The following FOXJ3 variants were observed in gnomAD, a reference collection of about 807,000 sequenced individuals.
FOXJ3 encodes forkhead box protein J3.
In FOXJ3, 22 loss-of-function variants were observed where a neutral mutation model predicts 76.1. That is an observed-to-expected ratio of 0.29 (90% CI 0.21 to 0.41). The LOEUF (loss-of-function observed/expected upper bound fraction) is 0.41. FOXJ3 is among the 10% of genes least tolerant of loss of function. FOXJ3 has a pLI of 1.00. For synonymous variants in FOXJ3, 269 were observed against 261.2 expected, an observed-to-expected ratio of 1.03 and a Z score of -0.29; for missense variants, 613 against 762.1, an observed-to-expected ratio of 0.80 and a Z score of 2.30.
chr1:42,252,470 T>G (rs1258470587), intron 4 of FOXJ3, among the ~76,000 whole-genome samples: 1 of 152,142 alleles, frequency 6.6e-6, no homozygotes, highest in African/African-American at 2.4e-5. Flanking sequence ...AGTGGTGATA[T>G]CCCTTTATCA....
intron 6 of FOXJ3, among the ~76,000 whole-genome samples, chr1:42,202,739 T>G (rs1273695202): frequency 6.6e-6 from 1 of 152,208 alleles, no homozygotes; most frequent in East Asian, 1.9e-4. Flanking sequence ...TTTTGCCATG[T>G]TGGCCAGGCT....
At chr1:42,246,012 G>C (rs576475999) in intron 4 of FOXJ3, among the ~76,000 whole-genome samples, 4 of 151,974 alleles carry the variant, frequency 2.6e-5, no homozygotes, top group African/African-American at 9.7e-5. Context: ...AATTCAACTC[G>C]AAATGGATTA....
intron 11 of FOXJ3, 89 bp from the exon 12 acceptor site, chr1:42,182,113 G>T: frequency 1.4e-6 from 1 of 695,402 alleles, no homozygotes; most frequent in Non-Finnish European, 2.5e-6. Flanking sequence ...TTGTTACTCT[G>T]AAAGTAAATT....
At chr1:42,273,435 A>T (rs1313919027) in intron 3 of FOXJ3, among the ~76,000 whole-genome samples, 1 of 152,182 alleles carries the variant, frequency 6.6e-6, no homozygotes, top group African/African-American at 2.4e-5. Flanking sequence ...GCACTTTGGG[A>T]GGCCAAGGTA....
chr1:42,322,003 T>C (rs1189007864), intron 1 of FOXJ3, among the ~76,000 whole-genome samples: 6 of 152,142 alleles, frequency 3.9e-5, no homozygotes, highest in South Asian at 2.1e-4. Flanking sequence ...TTATCTCCCA[T>C]AATGCCTAGC....
At chr1:42,239,442 A>T (rs1648954660) in intron 4 of FOXJ3, among the ~76,000 whole-genome samples, 1 of 152,170 alleles carries the variant, frequency 6.6e-6, no homozygotes, top group Non-Finnish European at 1.5e-5. Context: ...ACCTTGGTCA[A>T]ATATTTTTTC....
chr1:42,231,043 C>T (rs1274425383), intron 4 of FOXJ3, among the ~76,000 whole-genome samples: 1 of 151,980 alleles, frequency 6.6e-6, no homozygotes, highest in African/African-American at 2.4e-5. Flanking sequence ...GGCCAGGCGC[C>T]GTGGCTCACG....
chr1:42,295,234 T>C (rs1653707085), intron 2 of FOXJ3, among the ~76,000 whole-genome samples: 1 of 152,206 alleles, frequency 6.6e-6, no homozygotes, highest in East Asian at 1.9e-4. Flanking sequence ...CGGTGGACTC[T>C]TCAGTGTCTA....
chr1:42,307,008 T>G (rs1399426549), intron 2 of FOXJ3, among the ~76,000 whole-genome samples: 1 of 152,160 alleles, frequency 6.6e-6, no homozygotes, highest in African/African-American at 2.4e-5. Flanking sequence ...TGAACCACAT[T>G]CCTGCTTTGC....
At chr1:42,234,312 T>TC (rs1648403144) in intron 4 of FOXJ3, among the ~76,000 whole-genome samples, 1 of 152,174 alleles carries the variant, frequency 6.6e-6, no homozygotes, top group South Asian at 2.1e-4. Flanking sequence ...AATTTTTTTT[T>TC]CAAGGTTTTT....
chr1:42,232,732 C>T (rs552491655), intron 4 of FOXJ3, among the ~76,000 whole-genome samples: 1 of 152,296 alleles, frequency 6.6e-6, no homozygotes, highest in Admixed American at 6.5e-5. Flanking sequence ...AATTTTCTCC[C>T]ATTCTGTAGG....
intron 3 of FOXJ3, among the ~76,000 whole-genome samples, chr1:42,265,415 G>GTAA (rs1209889649): frequency 2.0e-5 from 3 of 152,106 alleles, no homozygotes; most frequent in African/African-American, 7.2e-5. Context: ...TTCATAAAAT[G>GTAA]TAATATATGT....
chr1:42,232,938 T>C (rs1648282172), intron 4 of FOXJ3, among the ~76,000 whole-genome samples: 1 of 151,628 alleles, frequency 6.6e-6, no homozygotes, highest in Non-Finnish European at 1.5e-5. Context: ...GTCTAACATA[T>C]AAGTCTTTAA....
At chr1:42,235,985 G>A (rs539472351) in intron 4 of FOXJ3, among the ~76,000 whole-genome samples, 84 of 152,154 alleles carry the variant, frequency 5.5e-4, no homozygotes, top group African/African-American at 1.6e-3. Context: ...TACCACACCC[G>A]GCCATCTAAG....
intron 4 of FOXJ3, among the ~76,000 whole-genome samples, chr1:42,264,065 TA>T (rs1381464498): frequency 7.2e-6 from 1 of 139,200 alleles, no homozygotes; most frequent in Non-Finnish European, 1.5e-5. Flanking sequence ...CGCTACAAAA[TA>T]AAAAGAACTC....
At chr1:42,262,676 C>T (rs1415163332) in intron 4 of FOXJ3, among the ~76,000 whole-genome samples, 3 of 151,998 alleles carry the variant, frequency 2.0e-5, no homozygotes, top group Admixed American at 2.0e-4. Context: ...TGGTGAAACC[C>T]CATCTCTACT....
Position 42,277,576 on chromosome 1 carries a change from T to A in FOXJ3, c.369+772A>T, listed in dbSNP as rs1253478572. 2.3e-4 allele frequency among the ~76,000 whole-genome samples: 6 copies of A among 26,662 alleles called. 3 individuals are homozygous for A. The East Asian group carries it at 5.1e-3, about 22-fold the overall frequency. The allele number at this position is 26,662 out of a possible 152,430, so 17.5% of individuals were successfully genotyped here. On this transcript the variant is annotated intron_variant, in intron 3 of 12. Coordinates refer to ENST00000361346, the MANE Select transcript of FOXJ3 (RefSeq NM_014947.5). Reference sequence around the variant, plus strand: ...ACTTTGGGAGGCCGAGGCGGGCGGATCACGAGGTCAGGAGATCGAGACCAT... The same window carrying A: ...ACTTTGGGAGGCCGAGGCGGGCGGAACACGAGGTCAGGAGATCGAGACCAT...
chr1:42,234,408 T>G (rs1367585427), intron 4 of FOXJ3, among the ~76,000 whole-genome samples: 1 of 152,214 alleles, frequency 6.6e-6, no homozygotes, highest in Non-Finnish European at 1.5e-5. Flanking sequence ...CTCGTCAAAG[T>G]CATTCTCCGT....
intron 3 of FOXJ3, 86 bp from the exon 4 acceptor site, chr1:42,265,275 T>C: frequency 4.5e-6 from 3 of 659,684 alleles, no homozygotes; most frequent in South Asian, 4.3e-5. Context: ...AATCTAAACA[T>C]CTTTATGCTT....
Sources: gnomAD v4.1 joint callset for allele counts (sites outside exome capture counted in the v4.1 genomes callset) on GRCh38, gnomAD v4.1.1 for gene constraint, MANE v1.5 for transcripts, NCBI Gene and HGNC (gene_info 2026-07-23, HGNC 2026-07-21) for gene names.